Variants in MAML3 observed in about 807,000 individuals in gnomAD.
MAML3 encodes the protein mastermind-like protein 3.
A neutral mutation model predicts 101.9 loss-of-function variants in MAML3; 27 were observed. The ratio of observed to expected loss-of-function variants is 0.27; its 90% confidence interval spans 0.20 to 0.37. The LOEUF (loss-of-function observed/expected upper bound fraction) is 0.37. Ranked by LOEUF, MAML3 falls within the 10% of genes least tolerant of loss-of-function variation. The probability of loss-of-function intolerance (pLI) is 1.00; values close to 1 mark genes in which losing one functional copy is unlikely to be tolerated. For synonymous variants in MAML3, 501 were observed against 555.9 expected, an observed-to-expected ratio of 0.90 and a Z score of 1.39; for missense variants, 1,316 against 1,444.9, an observed-to-expected ratio of 0.91 and a Z score of 1.45.
chr4:139,994,518 A>C (rs1040630322), intron 1 of MAML3, among the ~76,000 whole-genome samples: 4 of 152,052 alleles, frequency 2.6e-5, no homozygotes, highest in African/African-American at 7.2e-5. Flanking sequence ...AAATTGGTGG[A>C]GTAAGGTGGT....
intron 2 of MAML3, among the ~76,000 whole-genome samples, chr4:139,873,449 C>T (rs1467407635): frequency 6.6e-6 from 1 of 152,210 alleles, no homozygotes; most frequent in Admixed American, 6.5e-5. Flanking sequence ...AATATGTTCA[C>T]AAATTCTTGA....
chr4:139,780,706 C>CT (rs1259446442), intron 2 of MAML3, among the ~76,000 whole-genome samples: 1 of 151,104 alleles, frequency 6.6e-6, no homozygotes, highest in Admixed American at 6.6e-5. Flanking sequence ...TCTCGGCTCA[C>CT]TGCAACCTCT....
intron 1 of MAML3, among the ~76,000 whole-genome samples, chr4:139,934,341 G>A (rs1733465256): frequency 6.6e-6 from 1 of 152,050 alleles, no homozygotes; most frequent in South Asian, 2.1e-4. Flanking sequence ...GTGCATATTT[G>A]TGAGTGTTGA....
chr4:139,995,157 A>G (rs1005782382), intron 1 of MAML3, among the ~76,000 whole-genome samples: 2 of 152,190 alleles, frequency 1.3e-5, no homozygotes, highest in Admixed American at 6.5e-5. Flanking sequence ...ATGAAATGAT[A>G]ACATGGTTTT....
intron 1 of MAML3, among the ~76,000 whole-genome samples, chr4:140,057,520 AT>A (rs1214618957): frequency 6.6e-6 from 1 of 152,214 alleles, no homozygotes; most frequent in Non-Finnish European, 1.5e-5. Flanking sequence ...GAATATCCAG[AT>A]AACTTGAAGA....
chr4:140,019,401 G>T (rs915441681), intron 1 of MAML3, among the ~76,000 whole-genome samples: 1 of 152,080 alleles, frequency 6.6e-6, no homozygotes, highest in Non-Finnish European at 1.5e-5. Flanking sequence ...ACAATGTTTT[G>T]TTCACTATTT....
intron 2 of MAML3, among the ~76,000 whole-genome samples, chr4:139,738,807 A>G (rs879845146): frequency 2.6e-5 from 4 of 152,206 alleles, no homozygotes; most frequent in Admixed American, 6.5e-5. Flanking sequence ...ACCACTGTTA[A>G]TATTTTGATG....
intron 1 of MAML3, among the ~76,000 whole-genome samples, chr4:140,057,209 A>G (rs181235106): frequency 2.6e-5 from 4 of 152,318 alleles, no homozygotes; most frequent in Admixed American, 2.6e-4. Context: ...TCAGAAGTTC[A>G]AGGCTGCAAT....
chr4:139,885,645 CG>C (rs1057130817), intron 2 of MAML3, among the ~76,000 whole-genome samples: 8 of 151,132 alleles, frequency 5.3e-5, no homozygotes, highest in Non-Finnish European at 8.8e-5. Flanking sequence ...AAAAGTAGGC[CG>C]GGCGCCGTGG....
chr4:139,938,822 A>G (rs1216191051), intron 1 of MAML3, among the ~76,000 whole-genome samples: 3 of 152,250 alleles, frequency 2.0e-5, no homozygotes, highest in African/African-American at 7.2e-5. Flanking sequence ...TGTTCAACGA[A>G]CAGTACGCAT....
intron 1 of MAML3, among the ~76,000 whole-genome samples, chr4:139,907,378 G>T (rs1382578086): frequency 6.6e-6 from 1 of 152,142 alleles, no homozygotes; most frequent in South Asian, 2.1e-4. Context: ...TACTTTCAAA[G>T]TCACCCTGGA....
chr4:139,794,369 T>C (rs186925201), intron 2 of MAML3: 1 of 152,268 alleles, frequency 6.6e-6, no homozygotes, highest in African/African-American at 2.4e-5. Context: ...GCTGATTCGA[T>C]CAGTAAAATC....
intron 2 of MAML3, among the ~76,000 whole-genome samples, chr4:139,754,677 A>G (rs953893704): frequency 6.6e-6 from 1 of 152,194 alleles, no homozygotes; most frequent in Non-Finnish European, 1.5e-5. Context: ...ATATTATCAA[A>G]TACCCTCTGG....
intron 1 of MAML3, among the ~76,000 whole-genome samples, chr4:139,977,311 C>T (rs907037407): frequency 5.3e-5 from 8 of 152,134 alleles, no homozygotes; most frequent in African/African-American, 1.7e-4. Context: ...ACGGCCCCCG[C>T]CACAGAGAAG....
chr4:140,144,092 G>C (rs1228096890), intron 1 of MAML3, among the ~76,000 whole-genome samples: 5 of 152,148 alleles, frequency 3.3e-5, no homozygotes, highest in Non-Finnish European at 7.4e-5. Context: ...TCTGTTACGG[G>C]TGTAATCTCT....
At chr4:139,810,623 A>C (rs114897512) in intron 2 of MAML3, among the ~76,000 whole-genome samples, 1 of 152,226 alleles carries the variant, frequency 6.6e-6, no homozygotes, top group Non-Finnish European at 1.5e-5. Context: ...ACTAACACTT[A>C]TGGAGGGCAC....
chr4:139,825,669 G>T (rs1049082847), intron 2 of MAML3, among the ~76,000 whole-genome samples: 18 of 152,016 alleles, frequency 1.2e-4, no homozygotes, highest in Non-Finnish European at 2.2e-4. Flanking sequence ...CCTGTATCCA[G>T]AGAGGCAATT....
intron 1 of MAML3, among the ~76,000 whole-genome samples, chr4:139,922,507 T>C (rs1733147659): frequency 6.6e-6 from 1 of 152,174 alleles, no homozygotes; most frequent in Non-Finnish European, 1.5e-5. Flanking sequence ...GTTTTCTGCC[T>C]TAGCTAAGTC....
chr4:139,796,784 C>T (rs1016795498), intron 2 of MAML3, among the ~76,000 whole-genome samples: 15 of 152,172 alleles, frequency 9.9e-5, no homozygotes, highest in Non-Finnish European at 1.6e-4. Flanking sequence ...TTAAAATGAT[C>T]GCAAATCAAA....
Sources: allele counts gnomAD v4.1 joint callset (sites outside exome capture counted in the v4.1 genomes callset), GRCh38; gene constraint gnomAD v4.1.1; transcripts MANE v1.5; gene names NCBI Gene and HGNC (gene_info 2026-07-23, HGNC 2026-07-21).